The following SDK1 variants were observed in gnomAD, a reference collection of about 807,000 sequenced individuals.
SDK1 encodes the protein protein sidekick-1.
SDK1 carries 157 observed loss-of-function variants against 245.5 expected under a neutral mutation model. The ratio of observed to expected loss-of-function variants is 0.64; its 90% CI spans 0.56 to 0.73. SDK1 has a LOEUF of 0.73. Among genes scored for constraint, SDK1 ranks in the 30% least tolerant of loss-of-function variants. The probability of loss-of-function intolerance (pLI) is 0.00; values close to 1 mark genes in which losing one functional copy is unlikely to be tolerated. For missense variants in SDK1, 3,583 were observed against 3,002.3 expected (o/e 1.19, Z -4.52); for synonymous variants, 1,647 against 1,278.5 (o/e 1.29, Z -6.15).
At chr7:3,767,472 C>A (rs1780286309) in intron 4 of SDK1, among the ~76,000 whole-genome samples, 1 of 152,040 alleles carries the variant, frequency 6.6e-6, no homozygotes, top group African/African-American at 2.4e-5. Flanking sequence ...TGTTTTTTCT[C>A]TTTCATATTT....
intron 5 of SDK1, among the ~76,000 whole-genome samples, chr7:3,917,705 T>C (rs1354505326): frequency 6.6e-6 from 1 of 152,174 alleles, no homozygotes; most frequent in Non-Finnish European, 1.5e-5. Flanking sequence ...ACACATTCTA[T>C]TTCCAGAGCC....
intron 30 of SDK1, among the ~76,000 whole-genome samples, chr7:4,155,790 G>C (rs1013641531): frequency 6.6e-5 from 10 of 152,122 alleles, no homozygotes; most frequent in African/African-American, 2.4e-4. Flanking sequence ...AGCACCTCCT[G>C]GGTGTTCTTG....
At chr7:3,939,148 G>A (rs540734860) in intron 5 of SDK1, among the ~76,000 whole-genome samples, 44 of 152,318 alleles carry the variant, frequency 2.9e-4, no homozygotes, top group African/African-American at 9.1e-4. Flanking sequence ...CCTAGTCAGC[G>A]GGGAATACCT....
At chr7:4,114,995 C>T (rs919160562) in intron 25 of SDK1, among the ~76,000 whole-genome samples, 12 of 152,190 alleles carry the variant, frequency 7.9e-5, no homozygotes, top group Non-Finnish European at 1.5e-4. Context: ...ACCTCTGCTG[C>T]CCTGTGCTAA....
chr7:4,019,752 C>T (rs1256010696), intron 17 of SDK1, among the ~76,000 whole-genome samples: 6 of 152,114 alleles, frequency 3.9e-5, no homozygotes, highest in African/African-American at 1.4e-4. Context: ...CAGAGCCCCT[C>T]ATGGGTCTCG....
At chr7:4,129,745 G>C in intron 26 of SDK1, 163 bp from the exon 27 acceptor site, 1 of 1,437,040 alleles carries the variant, frequency 7.0e-7, no homozygotes. Flanking sequence ...CTCCCCAAAT[G>C]CCAGCATGGA....
chr7:3,680,936 G>A (rs528954677), intron 4 of SDK1, among the ~76,000 whole-genome samples: 3 of 152,236 alleles, frequency 2.0e-5, no homozygotes, highest in South Asian at 2.1e-4. Flanking sequence ...TCCACCTCCC[G>A]GGTTCAAGCG....
chr7:3,439,950 T>C (rs2222408), intron 1 of SDK1, among the ~76,000 whole-genome samples: 27,915 of 152,064 alleles, frequency 0.18, 4,743 homozygotes, highest in African/African-American at 0.45. Context: ...TTTTAAGTTA[T>C]AGCTCTATGG....
At chr7:3,991,995 C>G (rs149851960) in intron 14 of SDK1, among the ~76,000 whole-genome samples, 42 of 152,368 alleles carry the variant, frequency 2.8e-4, no homozygotes, top group East Asian at 2.1e-3. Flanking sequence ...TTGGCCTCCA[C>G]TCAGCGTGTG....
At chr7:4,131,914 C>T (rs1324628121) in intron 27 of SDK1, among the ~76,000 whole-genome samples, 1 of 152,172 alleles carries the variant, frequency 6.6e-6, no homozygotes, top group African/African-American at 2.4e-5. Context: ...TCATCTACCA[C>T]CTGCTTTGCA....
At chr7:3,529,874 C>T (rs1171570464) in intron 1 of SDK1, among the ~76,000 whole-genome samples, 1 of 152,114 alleles carries the variant, frequency 6.6e-6, no homozygotes, top group Admixed American at 6.6e-5. Context: ...AAATTGTATT[C>T]CTGACGACAT....
At chr7:3,875,232 C>G (rs1034679761) in intron 5 of SDK1, among the ~76,000 whole-genome samples, 1 of 152,136 alleles carries the variant, frequency 6.6e-6, no homozygotes, top group African/African-American at 2.4e-5. Context: ...ACCCTTGGTT[C>G]TCTGACAGAG....
chr7:3,882,710 A>G (rs952549951), intron 5 of SDK1, among the ~76,000 whole-genome samples: 4 of 151,912 alleles, frequency 2.6e-5, no homozygotes, highest in African/African-American at 7.3e-5. Flanking sequence ...TGTTGTCACT[A>G]TTTACAAATG....
intron 5 of SDK1, among the ~76,000 whole-genome samples, chr7:3,906,126 A>G (rs1482459822): frequency 1.3e-5 from 2 of 151,854 alleles, no homozygotes; most frequent in Non-Finnish European, 2.9e-5. Flanking sequence ...TTTTCTCTTT[A>G]GCTTTGTCTT....
intron 5 of SDK1, among the ~76,000 whole-genome samples, chr7:3,860,865 T>C (rs1238863621): frequency 6.6e-6 from 1 of 152,204 alleles, no homozygotes; most frequent in African/African-American, 2.4e-5. Context: ...TGAGAATTGC[T>C]GACCAAAAAA....
chr7:4,146,591 C>G (rs1780000430), intron 29 of SDK1, among the ~76,000 whole-genome samples: 1 of 152,266 alleles, frequency 6.6e-6, no homozygotes, highest in Non-Finnish European at 1.5e-5. Context: ...GGCTGAGTAC[C>G]TGGGGCAAGG....
rs530416829 is a variant in SDK1 at position 3,726,617 on chromosome 7, T to G, written c.713+84512T>G. Among the ~76,000 whole-genome samples the G allele has an allele frequency of 3.9e-5, 6 of 152,344 alleles. 1 individual carries two copies. The highest frequency in any genetic ancestry group is 1.4e-4 in the African/African-American group (6 of 41,582). On this transcript the variant is annotated intron_variant, in intron 4 of 44. Coordinates refer to ENST00000404826, the MANE Select transcript of SDK1 (RefSeq NM_152744.4). ...GTTGAATCATCTCCAAGGTTATAAGTTATGTTAAAAAACAACTTAGCCTTT... is the reference window on the plus strand; with the variant it reads ...GTTGAATCATCTCCAAGGTTATAAGGTATGTTAAAAAACAACTTAGCCTTT...
Position 3,580,996 on chromosome 7 carries a change from C to CAAAAAAAAAAAAAAA in SDK1, c.299-38080_299-38079insAAAAAAAAAAAAAAA, listed in dbSNP as rs1418335916. On this transcript the variant is annotated intron_variant, in intron 1 of 44. Coordinates refer to ENST00000404826, the MANE Select transcript of SDK1 (RefSeq NM_152744.4). ...AAAAAAAAAAAAAAAAAAAAAAAAC[C>CAAAAAAAAAAAAAAA]AAAACAAAACCCTGGAAGACAATCT... Among the ~76,000 whole-genome samples the CAAAAAAAAAAAAAAA allele has an allele frequency of 7.5e-4, 70 of 92,950 alleles. 13 individuals carry two copies. Among genetic ancestry groups the CAAAAAAAAAAAAAAA allele is most frequent in the African/African-American group, 1.7e-3 (38 of 22,504 alleles). 61.0% of individuals were successfully genotyped at this position (92,950 alleles called of 152,430 possible).
chr7:3,351,506 G>T (rs921334439), intron 1 of SDK1, among the ~76,000 whole-genome samples: 1 of 152,074 alleles, frequency 6.6e-6, no homozygotes, highest in Non-Finnish European at 1.5e-5. Context: ...TAAAAGACAC[G>T]TCAGATTGGA....
Sources: allele counts gnomAD v4.1 joint callset (sites outside exome capture counted in the v4.1 genomes callset), GRCh38; gene constraint gnomAD v4.1.1; transcripts MANE v1.5; gene names NCBI Gene and HGNC (gene_info 2026-07-23, HGNC 2026-07-21).